SORCS2: variants seen among roughly 807,000 people sequenced by gnomAD.
SORCS2 encodes the protein sortilin related VPS10 domain containing receptor 2.
Under a neutral mutation model 141.6 loss-of-function variants are expected in SORCS2, and 100 were observed. The observed-to-expected ratio is 0.71, with a 90% CI of 0.60 to 0.83. The LOEUF (loss-of-function observed/expected upper bound fraction) is 0.83, where lower values mean the gene tolerates loss of function less well. SORCS2 is among the 40% of genes least tolerant of loss of function. The pLI is 0.00. For missense variants in SORCS2, 1,646 were observed against 1,560.2 expected, an observed-to-expected ratio of 1.05 and a Z score of -0.93; for synonymous variants, 789 against 676.9, an observed-to-expected ratio of 1.17 and a Z score of -2.57.
At chr4:7,368,933 G>A (rs571274847) in intron 1 of SORCS2, among the ~76,000 whole-genome samples, 2 of 152,264 alleles carry the variant, frequency 1.3e-5, no homozygotes, top group East Asian at 3.9e-4. Flanking sequence ...CCTTGCACGT[G>A]CTCTTCTCTG....
intron 2 of SORCS2, among the ~76,000 whole-genome samples, chr4:7,456,521 C>T (rs1276471812): frequency 1.3e-5 from 2 of 152,046 alleles, no homozygotes; most frequent in East Asian, 1.9e-4. Context: ...TAAAATGGTC[C>T]GGGCACTGTT....
intron 2 of SORCS2, among the ~76,000 whole-genome samples, chr4:7,528,429 T>A (rs908301439): frequency 6.6e-6 from 1 of 151,890 alleles, no homozygotes; most frequent in Non-Finnish European, 1.5e-5. Flanking sequence ...TGTTTTTTGT[T>A]TGTTTGTTTG....
At chr4:7,640,928 A>G (rs1226275166) in intron 4 of SORCS2, among the ~76,000 whole-genome samples, 1 of 152,158 alleles carries the variant, frequency 6.6e-6, no homozygotes, top group Non-Finnish European at 1.5e-5. Context: ...GCTAGAGGAA[A>G]GAGGCTGTGG....
At chr4:7,597,821 G>T (rs1210362866) in intron 3 of SORCS2, among the ~76,000 whole-genome samples, 1 of 152,060 alleles carries the variant, frequency 6.6e-6, no homozygotes, top group African/African-American at 2.4e-5. Context: ...CTTTCATTGG[G>T]AAGCAAAAGC....
intron 3 of SORCS2, among the ~76,000 whole-genome samples, chr4:7,616,467 A>G (rs1437291334): frequency 2.0e-5 from 3 of 152,114 alleles, no homozygotes; most frequent in Non-Finnish European, 2.9e-5. Flanking sequence ...TCATTCATCC[A>G]TCCTCTAGCC....
chr4:7,710,358 TGGG>T (rs773115919), intron 14 of SORCS2, among the ~76,000 whole-genome samples: 11 of 152,034 alleles, frequency 7.2e-5, no homozygotes, highest in African/African-American at 2.7e-4. Context: ...AAGGAGGAAA[TGGG>T]GGAATACAAG....
chr4:7,248,335 G>GT (rs1476022579), intron 1 of SORCS2, among the ~76,000 whole-genome samples: 7 of 69,220 alleles, frequency 1.0e-4, no homozygotes, highest in East Asian at 5.6e-4. Flanking sequence ...ACAGGTCACC[G>GT]TGGGGGGGCC....
intron 2 of SORCS2, chr4:7,430,379 C>G (rs1004950385): frequency 6.6e-6 from 1 of 152,234 alleles, no homozygotes; most frequent in Non-Finnish European, 1.5e-5. Flanking sequence ...AACAAACAAA[C>G]AAACAAACAA....
intron 3 of SORCS2, among the ~76,000 whole-genome samples, chr4:7,604,735 C>T (rs924400932): frequency 6.6e-6 from 1 of 152,234 alleles, no homozygotes; most frequent in African/African-American, 2.4e-5. Context: ...CCATGCAGAA[C>T]TGTGAGTCAA....
At chr4:7,222,972 C>G (rs1827297) in intron 1 of SORCS2, among the ~76,000 whole-genome samples, 107,971 of 152,040 alleles carry the variant, frequency 0.71, 38,464 homozygotes, top group East Asian at 0.83. Context: ...GCCCTGGCTG[C>G]GTCGGTGGAG....
chr4:7,253,551 A>T (rs936645250), intron 1 of SORCS2, among the ~76,000 whole-genome samples: 7 of 152,118 alleles, frequency 4.6e-5, no homozygotes, highest in African/African-American at 1.7e-4. Flanking sequence ...GCCGGGGCGG[A>T]GGAGGTGTCC....
chr4:7,534,444 G>C (rs1711943200), intron 3 of SORCS2, among the ~76,000 whole-genome samples: 1 of 152,254 alleles, frequency 6.6e-6, no homozygotes, highest in Non-Finnish European at 1.5e-5. Context: ...TTTACTGTCA[G>C]CTGAAGAGAA....
intron 3 of SORCS2, among the ~76,000 whole-genome samples, chr4:7,536,246 G>A (rs892294832): frequency 6.6e-6 from 1 of 152,202 alleles, no homozygotes; most frequent in African/African-American, 2.4e-5. Flanking sequence ...TTCCTTGTCT[G>A]TAGAGTGGGG....
intron 3 of SORCS2, among the ~76,000 whole-genome samples, chr4:7,580,624 C>T (rs1318896673): frequency 6.6e-6 from 1 of 152,178 alleles, no homozygotes; most frequent in Non-Finnish European, 1.5e-5. Flanking sequence ...TAACAACACT[C>T]CAAAAACAGT....
chr4:7,446,392 G>A (rs1308596797), intron 2 of SORCS2, among the ~76,000 whole-genome samples: 4 of 152,188 alleles, frequency 2.6e-5, no homozygotes, highest in Non-Finnish European at 1.5e-5. Flanking sequence ...GCTTCACTAG[G>A]GATTGGGGCT....
At chr4:7,335,394 A>G (rs577192228) in intron 1 of SORCS2, among the ~76,000 whole-genome samples, 1 of 152,304 alleles carries the variant, frequency 6.6e-6, no homozygotes, top group East Asian at 1.9e-4. Flanking sequence ...TAACCCAAAC[A>G]TTTTGCAGAG....
At chr4:7,583,685 T>A (rs560529401) in intron 3 of SORCS2, among the ~76,000 whole-genome samples, 3 of 152,342 alleles carry the variant, frequency 2.0e-5, no homozygotes, top group Non-Finnish European at 2.9e-5. Flanking sequence ...ACGTAAGATG[T>A]GCTTTTCACT....
chr4:7,473,504 C>T (rs28493186), intron 2 of SORCS2, among the ~76,000 whole-genome samples: 19,491 of 151,716 alleles, frequency 0.13, 1,756 homozygotes, highest in South Asian at 0.24. Flanking sequence ...GCAGGAGATG[C>T]AGACATTCAG....
At chr4:7,396,225 A>G (rs546279150) in intron 1 of SORCS2, 63 bp from the exon 2 acceptor site, 47 of 1,516,872 alleles carry the variant, frequency 3.1e-5, no homozygotes, top group Admixed American at 5.3e-5. Context: ...GTGTCACTGT[A>G]CCTCTCTTTG....
Sources: allele counts gnomAD v4.1 joint callset (sites outside exome capture counted in the v4.1 genomes callset), GRCh38; gene constraint gnomAD v4.1.1; transcripts MANE v1.5; gene names NCBI Gene and HGNC (gene_info 2026-07-23, HGNC 2026-07-21).